The following IKZF1 variants were observed in gnomAD, a reference collection of about 807,000 sequenced individuals.
The protein encoded by IKZF1 is IKAROS family zinc finger 1.
IKZF1 carries 10 observed loss-of-function variants against 51.7 expected under a neutral mutation model. The observed-to-expected ratio is 0.19, with a 90% CI of 0.12 to 0.33. The LOEUF (loss-of-function observed/expected upper bound fraction) is 0.33, where lower values mean the gene tolerates loss of function less well. IKZF1 is among the 10% of genes least tolerant of loss of function. The pLI is 1.00. For missense variants in IKZF1, 484 were observed against 707.5 expected, an observed-to-expected ratio of 0.68 and a Z score of 3.58; for synonymous variants, 280 against 282.3, an observed-to-expected ratio of 0.99 and a Z score of 0.08.
intron 3 of IKZF1, among the ~76,000 whole-genome samples, chr7:50,371,601 C>T (rs570038544): frequency 2.6e-4 from 39 of 152,352 alleles, no homozygotes; most frequent in Non-Finnish European, 5.4e-4. Flanking sequence ...TGTGTGGACA[C>T]CTTCCATCAC....
At chr7:50,390,597 G>C (rs1814776200) in intron 6 of IKZF1, among the ~76,000 whole-genome samples, 1 of 152,232 alleles carries the variant, frequency 6.6e-6, no homozygotes, top group Non-Finnish European at 1.5e-5. Context: ...GGAGATTGGA[G>C]AGGTAGAGAG....
At chr7:50,362,439 C>G (rs994136897) in intron 3 of IKZF1, among the ~76,000 whole-genome samples, 1 of 152,186 alleles carries the variant, frequency 6.6e-6, no homozygotes, top group African/African-American at 2.4e-5. Flanking sequence ...AGTGGACTTG[C>G]AAAGCACTAG....
intron 3 of IKZF1, among the ~76,000 whole-genome samples, chr7:50,348,814 C>T (rs1468398931): frequency 6.6e-6 from 1 of 152,252 alleles, no homozygotes; most frequent in Non-Finnish European, 1.5e-5. Context: ...CCATGCACTA[C>T]AGATGCTAAG....
chr7:50,318,678 C>CATA (rs1272673813), intron 1 of IKZF1: 1 of 233,068 alleles, frequency 4.3e-6, no homozygotes, highest in Admixed American at 5.6e-5. Flanking sequence ...TTAGAAAGAA[C>CATA]ATAACTATGG....
intron 1 of IKZF1, among the ~76,000 whole-genome samples, chr7:50,314,964 A>G (rs1024345424): frequency 3.9e-5 from 6 of 152,214 alleles, no homozygotes; most frequent in African/African-American, 1.4e-4. Flanking sequence ...CTGTTTCAGG[A>G]CAGGCCCAAG....
At chr7:50,392,196 C>T (rs1387500946) in intron 7 of IKZF1, among the ~76,000 whole-genome samples, 2 of 152,170 alleles carry the variant, frequency 1.3e-5, no homozygotes, top group African/African-American at 4.8e-5. Flanking sequence ...CACCACACTG[C>T]AGGACACTCC....
chr7:50,308,024 CT>C (rs1562700015), intron 1 of IKZF1, among the ~76,000 whole-genome samples: 1 of 152,192 alleles, frequency 6.6e-6, no homozygotes, highest in African/African-American at 2.4e-5. Flanking sequence ...CTTTCCACAT[CT>C]CCTGGAATAT....
At chr7:50,330,700 A>G (rs1796267464) in intron 3 of IKZF1, among the ~76,000 whole-genome samples, 1 of 152,220 alleles carries the variant, frequency 6.6e-6, no homozygotes, top group South Asian at 2.1e-4. Context: ...TTAGGAAACA[A>G]TATAAAAAGG....
intron 5 of IKZF1, among the ~76,000 whole-genome samples, chr7:50,383,202 G>A (rs1812357216): frequency 6.6e-6 from 1 of 152,184 alleles, no homozygotes; most frequent in South Asian, 2.1e-4. Context: ...TGAGCCCCGT[G>A]TGGCTCTCAC....
rs1788374917 is a variant in IKZF1 at position 50,304,808 on chromosome 7, C to G, written c.-129C>G. 1 of 152,472 alleles carries G rather than the reference C, an allele frequency of 6.6e-6. No homozygotes were observed. Among genetic ancestry groups the G allele is most frequent in the Non-Finnish European group, 1.5e-5 (1 of 68,000 alleles). 9.4% of individuals were successfully genotyped at this position (152,472 alleles called of 1,614,324 possible). On this transcript the variant is annotated 5_prime_UTR_variant, in exon 1 of 8. Coordinates refer to ENST00000331340, the MANE Select transcript of IKZF1 (RefSeq NM_006060.6). ...GCGGCGCATCCCAGCCTGGGCGGGA[C>G]GCTCGGCCGCGGCGAGGCGGGCAAG...
intron 3 of IKZF1, among the ~76,000 whole-genome samples, chr7:50,349,626 GTCTA>G (rs1801312588): frequency 6.6e-6 from 1 of 152,170 alleles, no homozygotes; most frequent in African/African-American, 2.4e-5. Flanking sequence ...TCTTCCAGAA[GTCTA>G]TCCTGCAGGC....
intron 4 of IKZF1, among the ~76,000 whole-genome samples, chr7:50,379,371 G>A (rs549484913): frequency 6.6e-6 from 1 of 152,346 alleles, no homozygotes; most frequent in East Asian, 1.9e-4. Context: ...GGATTCAGGG[G>A]CGGTCTCGCC....
chr7:50,339,105 C>G (rs1798451069), intron 3 of IKZF1, among the ~76,000 whole-genome samples: 1 of 152,046 alleles, frequency 6.6e-6, no homozygotes, highest in Middle Eastern at 3.2e-3. Flanking sequence ...AAGGCTTTTT[C>G]TTTTTGAGAG....
intron 2 of IKZF1, among the ~76,000 whole-genome samples, chr7:50,324,229 C>T (rs1794226143): frequency 6.6e-6 from 1 of 152,180 alleles, no homozygotes; most frequent in African/African-American, 2.4e-5. Context: ...TCAGCTGTCA[C>T]AGAAGATGAG....
intron 4 of IKZF1, among the ~76,000 whole-genome samples, chr7:50,379,149 C>G (rs747854518): frequency 1.3e-5 from 2 of 152,202 alleles, no homozygotes; most frequent in African/African-American, 4.8e-5. Flanking sequence ...TCCTAACAAG[C>G]TCCCAGCTTG....
At chr7:50,391,427 A>G (rs1815023927) in intron 6 of IKZF1, among the ~76,000 whole-genome samples, 1 of 152,232 alleles carries the variant, frequency 6.6e-6, no homozygotes, top group South Asian at 2.1e-4. Context: ...TGTCAAAGGG[A>G]CATCAATACT....
chr7:50,340,955 T>C (rs1798928738), intron 3 of IKZF1, among the ~76,000 whole-genome samples: 1 of 152,240 alleles, frequency 6.6e-6, no homozygotes, highest in Non-Finnish European at 1.5e-5. Flanking sequence ...ATATATGGTC[T>C]CAACACTGAT....
intron 3 of IKZF1, among the ~76,000 whole-genome samples, chr7:50,355,201 C>T (rs895274518): frequency 6.6e-6 from 1 of 152,186 alleles, no homozygotes; most frequent in African/African-American, 2.4e-5. Context: ...GGCGGAAATT[C>T]ACATGGGGAA....
At position 50,400,395 on chromosome 7, in the gene IKZF1, A is replaced by ACCT. The variant is rs1166974250; in HGVS notation, c.1328_1329insCCT (p.Glu443delinsAspLeu). On this transcript the variant is annotated protein_altering_variant, in exon 8 of 8. Coordinates refer to ENST00000331340, the MANE Select transcript of IKZF1 (RefSeq NM_006060.6). This position sits in a 1 kb window ranked among gnomAD's most constrained non-coding sequence, Gnocchi z 5.4. ...TACGACCTGCTGCGCGCCGCCTCCG[A>ACCT]GAACTCGCAGGACGCGCTCCGCGTG... 2 of 1,613,384 alleles carry ACCT rather than the reference A, an allele frequency of 1.2e-6. No homozygotes were observed. The highest frequency in any genetic ancestry group is 2.7e-5 in the African/African-American group (2 of 74,914).
Sources: allele counts gnomAD v4.1 joint callset (sites outside exome capture counted in the v4.1 genomes callset), GRCh38; gene constraint gnomAD v4.1.1; non-coding constraint Gnocchi (gnomAD v3.1); transcripts MANE v1.5; gene names NCBI Gene and HGNC (gene_info 2026-07-23, HGNC 2026-07-21).